The following LTBP1 variants were observed in gnomAD, a reference collection of about 807,000 sequenced individuals.
LTBP1 encodes the protein latent-transforming growth factor beta-binding protein 1.
In LTBP1, 129 loss-of-function variants were observed where a neutral mutation model predicts 207.6. The observed-to-expected ratio is 0.62, with a 90% confidence interval of 0.54 to 0.72. The LOEUF is 0.72. LTBP1 is among the 30% of genes least tolerant of loss of function. The pLI, the probability that LTBP1 is intolerant of heterozygous loss-of-function variation, is 0.00. For synonymous variants in LTBP1, 963 were observed against 833.7 expected, an observed-to-expected ratio of 1.16 and a Z score of -2.67; for missense variants, 2,281 against 2,217.2, an observed-to-expected ratio of 1.03 and a Z score of -0.58.
intron 2 of LTBP1, among the ~76,000 whole-genome samples, chr2:33,008,545 C>A (rs912547340): frequency 6.6e-6 from 1 of 152,172 alleles, no homozygotes; most frequent in Non-Finnish European, 1.5e-5. Flanking sequence ...GTAGATGATT[C>A]ATTCATGTTA....
intron 31 of LTBP1, among the ~76,000 whole-genome samples, chr2:33,385,767 C>T (rs77512884): frequency 0.099 from 15,095 of 152,090 alleles, 1,148 homozygotes; most frequent in East Asian, 0.21. Context: ...TTAGGACAGA[C>T]CTGTGCAGGC....
chr2:33,148,460 G>A lies in LTBP1; in HGVS notation c.1201+13500G>A, dbSNP rs200765799. Among the ~76,000 whole-genome samples, 3 of 152,176 alleles carry A rather than the reference G, an allele frequency of 2.0e-5. No individual in the cohort carries two copies. The East Asian group carries it at 5.8e-4, about 29-fold the overall frequency. On this transcript the variant is annotated intron_variant, in intron 5 of 33. Transcript: ENST00000404816. ...TTGAGAGTACTTTGAGCACAGAGTT[G>A]AATTAATAGAAAATAACATAGAGTG...
At chr2:33,339,342 A>T (rs1241757166) in intron 24 of LTBP1, among the ~76,000 whole-genome samples, 1 of 152,184 alleles carries the variant, frequency 6.6e-6, no homozygotes, top group Non-Finnish European at 1.5e-5. Flanking sequence ...GGAAATCATC[A>T]GTATGTAAAT....
At chr2:33,089,155 C>CAAAAAAAAAAAAAAAAAAA (rs61009791) in intron 3 of LTBP1, among the ~76,000 whole-genome samples, 2 of 96,416 alleles carry the variant, frequency 2.1e-5, no homozygotes, top group African/African-American at 3.7e-5. Context: ...GACTCAGTCT[C>CAAAAAAAAAAAAAAAAAAA]AAAAAAAAAA....
chr2:33,380,038 C>T (rs997795539), intron 31 of LTBP1, among the ~76,000 whole-genome samples: 2 of 152,182 alleles, frequency 1.3e-5, no homozygotes, highest in Admixed American at 1.3e-4. Context: ...TTTATCCTGG[C>T]TTGACCTTTG....
chr2:32,986,481 C>T (rs1683592692), intron 2 of LTBP1, among the ~76,000 whole-genome samples: 1 of 152,208 alleles, frequency 6.6e-6, no homozygotes, highest in Non-Finnish European at 1.5e-5. Context: ...CTGATTGGCT[C>T]TCCAGGGGTT....
chr2:33,077,540 C>T (rs1221730416), intron 3 of LTBP1, among the ~76,000 whole-genome samples: 1 of 152,082 alleles, frequency 6.6e-6, no homozygotes, highest in African/African-American at 2.4e-5. Flanking sequence ...TGAGGTGTCA[C>T]ATACTTTTAA....
chr2:33,176,996 T>G (rs896381543), intron 5 of LTBP1, among the ~76,000 whole-genome samples: 2 of 152,222 alleles, frequency 1.3e-5, no homozygotes, highest in African/African-American at 4.8e-5. Flanking sequence ...AACAGCCATA[T>G]GAGCTGGATA....
chr2:33,080,421 CTGTT>C (rs1485236783), intron 3 of LTBP1, among the ~76,000 whole-genome samples: 4 of 152,144 alleles, frequency 2.6e-5, no homozygotes, highest in Non-Finnish European at 5.9e-5. Context: ...ATGTCTTTAT[CTGTT>C]TGTCTGTTGT....
At chr2:33,181,957 C>A (rs4670863) in intron 5 of LTBP1, among the ~76,000 whole-genome samples, 78,727 of 151,930 alleles carry the variant, frequency 0.52, 20,614 homozygotes, top group African/African-American at 0.53. Context: ...TGTGATGTAA[C>A]TGACTATTAG....
intron 2 of LTBP1, among the ~76,000 whole-genome samples, chr2:33,018,035 AT>A: frequency 6.6e-6 from 1 of 152,274 alleles, no homozygotes; most frequent in East Asian, 1.9e-4. Flanking sequence ...TTGTCTTTTC[AT>A]TCTCCTAATT....
chr2:33,116,649 T>G (rs766006357), intron 4 of LTBP1, among the ~76,000 whole-genome samples: 3 of 152,076 alleles, frequency 2.0e-5, no homozygotes, highest in Non-Finnish European at 2.9e-5. Flanking sequence ...TTTTATATGG[T>G]AACTTCTTAA....
intron 7 of LTBP1, among the ~76,000 whole-genome samples, chr2:33,214,251 G>C (rs1184299677): frequency 1.3e-5 from 2 of 152,130 alleles, no homozygotes; most frequent in African/African-American, 4.8e-5. Context: ...GAATCATTTT[G>C]TTCCCAGTCT....
At chr2:33,129,578 C>T (rs1385570994) in intron 4 of LTBP1, among the ~76,000 whole-genome samples, 1 of 152,122 alleles carries the variant, frequency 6.6e-6, no homozygotes, top group South Asian at 2.1e-4. Context: ...TTCAAAAGTA[C>T]TTGAGAAATT....
At chr2:33,259,503 AC>A in intron 12 of LTBP1, 84 bp from the exon 13 acceptor site, 1 of 917,568 alleles carries the variant, frequency 1.1e-6, no homozygotes, top group Non-Finnish European at 1.6e-6. Flanking sequence ...GAGATAATGG[AC>A]TTCTATTGTT....
chr2:33,113,024 T>C (rs973600092), intron 4 of LTBP1, among the ~76,000 whole-genome samples: 2 of 152,240 alleles, frequency 1.3e-5, no homozygotes, highest in African/African-American at 4.8e-5. Context: ...TAGAAGATAC[T>C]AAGATCATTT....
At chr2:33,359,351 GTTTACTATTTAATATATTAA>G (rs1371935238) in intron 26 of LTBP1, among the ~76,000 whole-genome samples, 2 of 152,150 alleles carry the variant, frequency 1.3e-5, no homozygotes, top group Admixed American at 6.5e-5. Flanking sequence ...TTAGAAACAC[GTTTACTATTTAATATATTAA>G]TAAAATTTCC....
chr2:33,208,865 AT>A (rs3053310), intron 7 of LTBP1, among the ~76,000 whole-genome samples: 5,024 of 112,848 alleles, frequency 0.045, 90 homozygotes, highest in African/African-American at 0.087. Context: ...TCTTGCTACT[AT>A]TTTTTTTTTT....
chr2:33,372,240 C>T (rs950954213), intron 31 of LTBP1, among the ~76,000 whole-genome samples: 2 of 152,194 alleles, frequency 1.3e-5, no homozygotes, highest in Admixed American at 6.5e-5. Context: ...CAGTGTTACT[C>T]GAGTCTCTTT....
Sources: gnomAD v4.1 joint callset for allele counts (sites outside exome capture counted in the v4.1 genomes callset) on GRCh38, gnomAD v4.1.1 for gene constraint, MANE v1.5 for transcripts, NCBI Gene and HGNC (gene_info 2026-07-23, HGNC 2026-07-21) for gene names.